Variants in TDP1 observed in about 807,000 individuals in gnomAD.
TDP1 encodes tyr-DNA phosphodiesterase 1.
A neutral mutation model predicts 81.5 loss-of-function variants in TDP1; 64 were observed. The observed-to-expected ratio is 0.79, with a 90% CI of 0.64 to 0.97. TDP1 has a LOEUF of 0.97. Ranked by LOEUF, TDP1 falls within the 50% of genes least tolerant of loss-of-function variation. TDP1 has a pLI of 0.00. For synonymous variants in TDP1, 256 were observed against 264.3 expected (o/e 0.97, Z 0.30); for missense variants, 723 against 743.8 (o/e 0.97, Z 0.33).
chr14:89,999,610 A>T (rs546356456), intron 14 of TDP1, among the ~76,000 whole-genome samples: 200 of 152,348 alleles, frequency 1.3e-3, no homozygotes, highest in Non-Finnish European at 2.4e-3. Context: ...CCCAGAAAAA[A>T]ATTATAGGAG....
intron 3 of TDP1, 61 bp downstream of exon 3, chr14:89,963,734 A>T: frequency 6.4e-7 from 1 of 1,565,498 alleles, no homozygotes; most frequent in Non-Finnish European, 8.8e-7. Flanking sequence ...CTCCTCCGTG[A>T]AACAAGGAGG....
intron 15 of TDP1, among the ~76,000 whole-genome samples, chr14:90,028,510 C>T (rs1379867843): frequency 6.6e-6 from 1 of 152,198 alleles, no homozygotes; most frequent in African/African-American, 2.4e-5. Context: ...TGATATATGT[C>T]CACCCTCTCA....
At chr14:89,981,254 G>T (rs1894941437) in intron 8 of TDP1, among the ~76,000 whole-genome samples, 1 of 152,178 alleles carries the variant, frequency 6.6e-6, no homozygotes, top group Admixed American at 6.5e-5. Flanking sequence ...TAATAAAGTT[G>T]TGAATCTCCA....
chr14:89,976,458 C>G (rs948352755), intron 7 of TDP1, among the ~76,000 whole-genome samples: 4 of 151,214 alleles, frequency 2.6e-5, no homozygotes, highest in African/African-American at 7.3e-5. Flanking sequence ...CTTATTATTT[C>G]CTTTGGTCCA....
intron 3 of TDP1, among the ~76,000 whole-genome samples, chr14:89,964,620 A>G (rs559200148): frequency 6.6e-6 from 1 of 152,296 alleles, no homozygotes; most frequent in South Asian, 2.1e-4. Context: ...TGTGTGATGT[A>G]TACATGTTGG....
chr14:89,957,710 C>G (rs756437414), intron 2 of TDP1, among the ~76,000 whole-genome samples: 1 of 152,220 alleles, frequency 6.6e-6, no homozygotes, highest in Non-Finnish European at 1.5e-5. Context: ...AAAGTGCTAA[C>G]AGTGTCCTGA....
At chr14:90,026,774 A>G (rs1254533745) in intron 15 of TDP1, among the ~76,000 whole-genome samples, 5 of 152,254 alleles carry the variant, frequency 3.3e-5, no homozygotes, top group South Asian at 4.1e-4. Flanking sequence ...CCATGTCCCT[A>G]CAAAGGACAT....
chr14:89,973,473 A>T (rs7150652), intron 6 of TDP1, among the ~76,000 whole-genome samples: 14,480 of 152,244 alleles, frequency 0.095, 1,776 homozygotes, highest in African/African-American at 0.28. Context: ...GCTGTGAAGA[A>T]GCTCCCAACT....
chr14:89,970,311 A>T (rs1365376498), intron 5 of TDP1, among the ~76,000 whole-genome samples: 1 of 152,206 alleles, frequency 6.6e-6, no homozygotes, highest in Non-Finnish European at 1.5e-5. Flanking sequence ...TTTTCAACGT[A>T]GCTTGGGCTC....
At chr14:90,025,411 G>A (rs1182856543) in intron 15 of TDP1, among the ~76,000 whole-genome samples, 3 of 152,082 alleles carry the variant, frequency 2.0e-5, no homozygotes, top group Non-Finnish European at 4.4e-5. Context: ...TTTTTTAAGT[G>A]AATAAATCTG....
Position 89,989,217 on chromosome 14 carries a change from G to A in TDP1, c.1317+127G>A, listed in dbSNP as rs561628022. ...ATTCTTTTTTTTTTTTTGGCGTGGC[G>A]GGGGCGGGGTGCGGAAAGAGCAGTA... On this transcript the variant is annotated intron_variant, in intron 11 of 16. Coordinates refer to ENST00000335725, the MANE Select transcript of TDP1 (RefSeq NM_018319.4). 770 of 1,371,152 alleles carry A rather than the reference G, an allele frequency of 5.6e-4. 4 individuals carry two copies. Among genetic ancestry groups the A allele is most frequent in the African/African-American group, 1.4e-3 (96 of 67,182 alleles). The allele number at this position is 1,371,152 out of a possible 1,614,324, so 84.9% of individuals were successfully genotyped here. A position where few individuals can be genotyped will look rare whatever the true frequency, so the allele number is the denominator to read the frequency against.
chr14:89,989,748 GT>G lies in TDP1; in HGVS notation c.1352del (p.Leu451Ter). 1 of 1,611,228 alleles carries G rather than the reference GT, an allele frequency of 6.2e-7. No homozygotes were observed. The highest frequency in any genetic ancestry group is 8.5e-7 in the Non-Finnish European group (1 of 1,177,516). ...CCTTCTGTGGAAAATGTGCGGACCA[GT>G]TTAGAAGGATATCCTGGTAATTCTT... ...IYPSVENVRT[S>X]LEGYPAGGSL... is the part of the protein sequence containing the mutation. On this transcript the variant is annotated frameshift_variant, in exon 12 of 17. Transcript: ENST00000335725. LOFTEE classifies it high-confidence loss of function.
At chr14:89,984,137 C>T (rs554009196) in intron 8 of TDP1, 1 of 985,386 alleles carries the variant, frequency 1.0e-6, no homozygotes, top group East Asian at 1.1e-4. Context: ...CATGGATTTG[C>T]TTTAACCGTT....
chr14:90,025,456 A>G (rs1886543664), intron 15 of TDP1, among the ~76,000 whole-genome samples: 1 of 152,132 alleles, frequency 6.6e-6, no homozygotes, highest in African/African-American at 2.4e-5. Flanking sequence ...CTAACTTGTA[A>G]AGTATGTTGT....
chr14:90,002,208 T>C (rs1566895521), intron 14 of TDP1, among the ~76,000 whole-genome samples: 1 of 152,204 alleles, frequency 6.6e-6, no homozygotes, highest in Non-Finnish European at 1.5e-5. Context: ...CCCATCAACA[T>C]TTTCAAACCC....
chr14:89,994,868 G>A (rs1273461296), intron 14 of TDP1, among the ~76,000 whole-genome samples: 1 of 152,148 alleles, frequency 6.6e-6, no homozygotes, highest in Non-Finnish European at 1.5e-5. Context: ...CATGGAGGTG[G>A]GAAAATACAC....
In TDP1 at chr14:89,989,586, T is replaced by C. The variant is rs926359492; in HGVS notation, c.1318-131T>C. The C allele has an allele frequency of 2.8e-5, 31 of 1,109,900 alleles. No individual in the cohort carries two copies. In the African/African-American group the frequency reaches 4.0e-4, roughly 14 times the overall value. 68.8% of individuals were successfully genotyped at this position (1,109,900 alleles called of 1,614,324 possible). ...CATTTTTTTCATAAGATGAGAACTT[T>C]TAAAAATTTAAAGCATATTTTCTAA... On this transcript the variant is annotated intron_variant, in intron 11 of 16. Coordinates refer to ENST00000335725, the MANE Select transcript of TDP1 (RefSeq NM_018319.4).
intron 14 of TDP1, among the ~76,000 whole-genome samples, chr14:90,003,160 A>G (rs577754867): frequency 7.2e-5 from 11 of 151,982 alleles, no homozygotes; most frequent in Admixed American, 2.0e-4. Context: ...CTGGTCTCGA[A>G]CTCCTGACCT....
At chr14:90,034,135 T>C (rs985665386) in intron 16 of TDP1, among the ~76,000 whole-genome samples, 5 of 152,220 alleles carry the variant, frequency 3.3e-5, no homozygotes, top group Non-Finnish European at 7.3e-5. Flanking sequence ...TGGTGTTTTA[T>C]GTTTTTGCAA....
Sources: allele counts gnomAD v4.1 joint callset (sites outside exome capture counted in the v4.1 genomes callset), GRCh38; gene constraint gnomAD v4.1.1; transcripts MANE v1.5; gene names NCBI Gene and HGNC (gene_info 2026-07-23, HGNC 2026-07-21).